Variants in PRKG1 observed in about 807,000 individuals in gnomAD.
PRKG1 encodes cGMP-dependent protein kinase 1.
In PRKG1, 35 loss-of-function variants were observed where a neutral mutation model predicts 88.1. The observed-to-expected ratio is 0.40, with a 90% CI of 0.30 to 0.53. The LOEUF (loss-of-function observed/expected upper bound fraction) is 0.53, where lower values mean the gene tolerates loss of function less well. Among genes scored for constraint, PRKG1 ranks in the 20% least tolerant of loss-of-function variants. The pLI, the probability that PRKG1 is intolerant of heterozygous loss-of-function variation, is 0.59. For missense variants in PRKG1, 540 were observed against 839.8 expected (o/e 0.64, Z 4.41); for synonymous variants, 303 against 292.5 (o/e 1.04, Z -0.37).
intron 5 of PRKG1, among the ~76,000 whole-genome samples, chr10:52,002,083 A>G (rs1365389456): frequency 2.0e-5 from 3 of 152,136 alleles, no homozygotes; most frequent in Non-Finnish European, 4.4e-5. Flanking sequence ...AGTATTCCCA[A>G]GAAATATTAT....
intron 9 of PRKG1, among the ~76,000 whole-genome samples, chr10:52,166,787 C>CTATATATATATATATATATATATA (rs201538311): frequency 5.6e-4 from 7 of 12,454 alleles, no homozygotes; most frequent in African/African-American, 7.1e-4. Flanking sequence ...ATAAAAAAGC[C>CTATATATATATATATATATATATA]TATATATATA....
intron 3 of PRKG1, among the ~76,000 whole-genome samples, chr10:51,558,926 G>A (rs1323965847): frequency 1.3e-5 from 2 of 152,030 alleles, no homozygotes; most frequent in African/African-American, 2.4e-5. Context: ...TATAGTTTCA[G>A]TTACCCAGGC....
chr10:51,136,313 C>T (rs1056139728), intron 1 of PRKG1, among the ~76,000 whole-genome samples: 4 of 151,886 alleles, frequency 2.6e-5, no homozygotes, highest in Admixed American at 1.3e-4. Context: ...GTTGGGACTT[C>T]GGTGAGCTTC....
At chr10:51,061,020 C>T in intron 1 of PRKG1, among the ~76,000 whole-genome samples, 1 of 148,772 alleles carries the variant, frequency 6.7e-6, no homozygotes, top group African/African-American at 2.5e-5. Context: ...TAGGAGTTTT[C>T]TGTTTTTCAT....
At chr10:51,935,826 C>T (rs573774559) in intron 5 of PRKG1, among the ~76,000 whole-genome samples, 24 of 152,202 alleles carry the variant, frequency 1.6e-4, no homozygotes, top group Non-Finnish European at 2.6e-4. Flanking sequence ...CATAGGTATT[C>T]ACCACAGTGA....
At chr10:51,947,525 T>G (rs1302903674) in intron 5 of PRKG1, among the ~76,000 whole-genome samples, 4 of 152,080 alleles carry the variant, frequency 2.6e-5, no homozygotes, top group Non-Finnish European at 4.4e-5. Flanking sequence ...GTACCTCAGA[T>G]GGAAATGCAG....
chr10:51,750,014 C>T (rs1837680004), intron 3 of PRKG1, among the ~76,000 whole-genome samples: 2 of 150,610 alleles, frequency 1.3e-5, no homozygotes, highest in African/African-American at 2.5e-5. Flanking sequence ...TGGCTCGCTG[C>T]AACCTCTGCC....
At chr10:51,167,326 A>G (rs1240791487) in intron 2 of PRKG1, among the ~76,000 whole-genome samples, 1 of 152,168 alleles carries the variant, frequency 6.6e-6, no homozygotes, top group Non-Finnish European at 1.5e-5. Flanking sequence ...AGTAAACACA[A>G]TAGAAAGGCA....
intron 3 of PRKG1, among the ~76,000 whole-genome samples, chr10:51,603,408 C>T (rs912703537): frequency 1.3e-5 from 2 of 152,070 alleles, no homozygotes; most frequent in South Asian, 2.1e-4. Flanking sequence ...AGTTCAAACA[C>T]GAAGTCAAAT....
intron 4 of PRKG1, among the ~76,000 whole-genome samples, chr10:51,893,138 G>A (rs1564696334): frequency 6.6e-6 from 1 of 152,010 alleles, no homozygotes; most frequent in African/African-American, 2.4e-5. Flanking sequence ...CTCACTTCCT[G>A]ATGGTCATTC....
intron 3 of PRKG1, among the ~76,000 whole-genome samples, chr10:51,722,580 A>G (rs1258867611): frequency 1.3e-5 from 2 of 152,112 alleles, no homozygotes; most frequent in Non-Finnish European, 2.9e-5. Flanking sequence ...TGCCTATTTT[A>G]TGTATTACAC....
chr10:51,013,720 A>G (rs974645575), intron 1 of PRKG1, among the ~76,000 whole-genome samples: 1 of 152,156 alleles, frequency 6.6e-6, no homozygotes, highest in East Asian at 1.9e-4. Flanking sequence ...AATCTATAAT[A>G]TAAGCCTAAT....
chr10:52,103,428 A>G (rs1847341971), intron 7 of PRKG1, among the ~76,000 whole-genome samples: 1 of 152,048 alleles, frequency 6.6e-6, no homozygotes, highest in Non-Finnish European at 1.5e-5. Flanking sequence ...AGCCTAATCA[A>G]TGTGAAGATG....
intron 2 of PRKG1, among the ~76,000 whole-genome samples, chr10:51,392,678 GA>G (rs1837441621): frequency 6.6e-6 from 1 of 151,734 alleles, no homozygotes; most frequent in Admixed American, 6.6e-5. Context: ...TGGCTGGGCA[GA>G]GGGGCTCCTC....
At chr10:51,341,267 T>C (rs1235370106) in intron 2 of PRKG1, among the ~76,000 whole-genome samples, 1 of 152,170 alleles carries the variant, frequency 6.6e-6, no homozygotes, top group Admixed American at 6.5e-5. Flanking sequence ...CTACATAGAA[T>C]TGTGTTAGAA....
At chr10:51,388,562 C>A (rs1461257402) in intron 2 of PRKG1, among the ~76,000 whole-genome samples, 1 of 152,082 alleles carries the variant, frequency 6.6e-6, no homozygotes, top group Non-Finnish European at 1.5e-5. Flanking sequence ...ATTAGCTTTT[C>A]AGTAAAAGGG....
chr10:51,319,208 T>C (rs1841393748), intron 2 of PRKG1, among the ~76,000 whole-genome samples: 1 of 152,216 alleles, frequency 6.6e-6, no homozygotes, highest in South Asian at 2.1e-4. Context: ...TACAAACTAG[T>C]TAACGGACTT....
At chr10:51,693,233 A>T (rs1402947810) in intron 3 of PRKG1, among the ~76,000 whole-genome samples, 1 of 145,958 alleles carries the variant, frequency 6.9e-6, no homozygotes, top group Non-Finnish European at 1.5e-5. Context: ...GGTTGCAGTG[A>T]GCTGAGATTG....
At chr10:51,857,608 A>G (rs1328979445) in intron 4 of PRKG1, among the ~76,000 whole-genome samples, 1 of 152,184 alleles carries the variant, frequency 6.6e-6, no homozygotes, top group Non-Finnish European at 1.5e-5. Flanking sequence ...GAGAAGAACT[A>G]ATCAATCCTG....
Sources: gnomAD v4.1 joint callset for allele counts (sites outside exome capture counted in the v4.1 genomes callset) on GRCh38, gnomAD v4.1.1 for gene constraint, MANE v1.5 for transcripts, NCBI Gene and HGNC (gene_info 2026-07-23, HGNC 2026-07-21) for gene names.